PPFIA2: variants seen among roughly 807,000 people sequenced by gnomAD.
PPFIA2 encodes liprin-alpha-2.
PPFIA2 carries 46 observed loss-of-function variants against 175.5 expected under a neutral mutation model. The ratio of observed to expected loss-of-function variants is 0.26; its 90% CI spans 0.21 to 0.34. The LOEUF (loss-of-function observed/expected upper bound fraction) is 0.34. PPFIA2 is among the 10% of genes least tolerant of loss of function. The probability of loss-of-function intolerance (pLI) is 1.00; values close to 1 mark genes in which losing one functional copy is unlikely to be tolerated. For missense variants in PPFIA2, 1,179 were observed against 1,506.1 expected (o/e 0.78, Z 3.60); for synonymous variants, 568 against 511.4 (o/e 1.11, Z -1.49).
rs1323643391 is a variant in PPFIA2 at position 81,598,074 on chromosome 12, T to G, written c.303+78717A>C. 10 of 1,534,070 alleles carry G rather than the reference T, an allele frequency of 6.5e-6. No homozygotes were observed. In the Admixed American group the frequency reaches 1.8e-4, roughly 27 times the overall value. On this transcript the variant is annotated intron_variant, in intron 4 of 32. Transcript: ENST00000549396. ...AATATAATCCACAAGGAGCTACAGATGCAGAGCAGAGAGCTTAGCGTACAG... is the reference window on the plus strand; with the variant it reads ...AATATAATCCACAAGGAGCTACAGAGGCAGAGCAGAGAGCTTAGCGTACAG...
chr12:81,384,017 A>G lies in PPFIA2; in HGVS notation c.984+6T>C. The G allele has an allele frequency of 6.3e-7, 1 of 1,598,240 alleles. No homozygotes were observed. Among genetic ancestry groups the G allele is most frequent in the South Asian group, 1.1e-5 (1 of 90,498 alleles). ...TCAAAGACTGAAAGTGGCATGAATC[A>G]CTTACCTCCCTAATGTCCCTTTGAT... is the stretch of plus-strand genomic sequence containing the variant. On this transcript the variant is annotated splice_donor_region_variant and intron_variant, in intron 9 of 32. Transcript: ENST00000549396.
Position 81,722,847 on chromosome 12 carries a change from G to A in PPFIA2, c.249+31126C>T, listed in dbSNP as rs142415567. Among the ~76,000 whole-genome samples, 951 of 151,030 alleles carry A rather than the reference G, an allele frequency of 6.3e-3. 13 individuals are homozygous for A. The highest frequency in any genetic ancestry group is 0.022 in the African/African-American group (909 of 41,352). On this transcript the variant is annotated intron_variant, in intron 3 of 32. Transcript: ENST00000549396. ...GTTCAAGGGATGTTTATGTAAGCAC[G>A]CTGTGCTACCTTCATACAATATGAT... is the stretch of plus-strand genomic sequence containing the variant.
intron 23 of PPFIA2, among the ~76,000 whole-genome samples, chr12:81,298,625 G>GA (rs1195491689): frequency 1.3e-5 from 2 of 152,212 alleles, no homozygotes; most frequent in African/African-American, 2.4e-5. Context: ...TAAGTGACAT[G>GA]AAACAGCCCT....
intron 7 of PPFIA2, among the ~76,000 whole-genome samples, chr12:81,417,648 C>T (rs571468377): frequency 6.6e-6 from 1 of 151,762 alleles, no homozygotes; most frequent in East Asian, 1.9e-4. Context: ...TAAAGTAATC[C>T]ATTTACTTCA....
intron 3 of PPFIA2, among the ~76,000 whole-genome samples, chr12:81,725,746 T>G (rs1405683908): frequency 6.6e-6 from 1 of 150,722 alleles, no homozygotes; most frequent in African/African-American, 2.4e-5. Flanking sequence ...CAGACAACCC[T>G]TTGAATAATC....
rs1050949529 is a variant in PPFIA2, at chr12:81,453,223, C to A, written c.405+4542G>T. On this transcript the variant is annotated intron_variant, in intron 5 of 32. Transcript: ENST00000549396. Reference sequence around the variant, plus strand: ...ATGTGATCTCATTGTTCAATTCCCACCTATGAGTGAGAATTCAAAGTCACA... The same window carrying A: ...ATGTGATCTCATTGTTCAATTCCCAACTATGAGTGAGAATTCAAAGTCACA... 2.3e-4 allele frequency among the ~76,000 whole-genome samples: 34 copies of A among 146,576 alleles called. 1 individual carries two copies. The East Asian group carries it at 6.4e-3, about 28-fold the overall frequency.
intron 4 of PPFIA2, among the ~76,000 whole-genome samples, chr12:81,626,381 T>C (rs2062709777): frequency 1.3e-5 from 2 of 152,074 alleles, no homozygotes; most frequent in South Asian, 4.1e-4. Context: ...CTACATTATA[T>C]GATCTGAGGC....
intron 4 of PPFIA2, among the ~76,000 whole-genome samples, chr12:81,532,872 CT>C (rs2064796243): frequency 6.6e-6 from 1 of 151,740 alleles, no homozygotes; most frequent in South Asian, 2.1e-4. Flanking sequence ...TGCATTTCCC[CT>C]CTCAACATAT....
intron 7 of PPFIA2, among the ~76,000 whole-genome samples, chr12:81,432,008 C>A (rs1414737520): frequency 2.0e-5 from 3 of 152,142 alleles, no homozygotes; most frequent in Non-Finnish European, 4.4e-5. Flanking sequence ...ACAATGAATT[C>A]CTCCCTTTGG....
chr12:81,537,903 C>A (rs1032563587), intron 4 of PPFIA2, among the ~76,000 whole-genome samples: 1 of 151,832 alleles, frequency 6.6e-6, no homozygotes, highest in African/African-American at 2.4e-5. Context: ...AGTGCCTTCC[C>A]CGCAATCTTT....
chr12:81,354,227 G>T (rs2060505114), intron 16 of PPFIA2, among the ~76,000 whole-genome samples: 1 of 152,122 alleles, frequency 6.6e-6, no homozygotes, highest in Non-Finnish European at 1.5e-5. Context: ...TTTCTTTCAT[G>T]AAAGATTTCT....
chr12:81,697,651 C>G (rs1838226343), intron 3 of PPFIA2, among the ~76,000 whole-genome samples: 1 of 152,066 alleles, frequency 6.6e-6, no homozygotes, highest in South Asian at 2.1e-4. Flanking sequence ...AACTGAAAAT[C>G]AATCAGTAGA....
chr12:81,649,142 G>A (rs2066628321), intron 4 of PPFIA2, among the ~76,000 whole-genome samples: 1 of 151,942 alleles, frequency 6.6e-6, no homozygotes, highest in Non-Finnish European at 1.5e-5. Flanking sequence ...TCTTTGAAAG[G>A]CACTGTTAGA....
chr12:81,609,594 C>A (rs762995552), intron 4 of PPFIA2, among the ~76,000 whole-genome samples: 1 of 152,030 alleles, frequency 6.6e-6, no homozygotes, highest in Non-Finnish European at 1.5e-5. Context: ...GAAATAGGGA[C>A]GCTTTCTCTT....
At chr12:81,684,428 C>T (rs919679314) in intron 3 of PPFIA2, among the ~76,000 whole-genome samples, 11 of 152,066 alleles carry the variant, frequency 7.2e-5, no homozygotes, top group African/African-American at 2.7e-4. Context: ...GAATACCTAT[C>T]ATCAGCCTAT....
At chr12:81,742,127 T>C (rs886587192) in intron 3 of PPFIA2, among the ~76,000 whole-genome samples, 9 of 152,178 alleles carry the variant, frequency 5.9e-5, no homozygotes, top group African/African-American at 2.2e-4. Context: ...AACAGTAAGA[T>C]ATGTTATCAG....
At chr12:81,547,872 AC>A in intron 4 of PPFIA2, among the ~76,000 whole-genome samples, 1 of 152,342 alleles carries the variant, frequency 6.6e-6, no homozygotes, top group South Asian at 2.1e-4. Flanking sequence ...AACTATCCTT[AC>A]TTAAAAATAA....
rs190138049 is a variant in PPFIA2 at position 81,624,713 on chromosome 12, G to A, written c.303+52078C>T. Among the ~76,000 whole-genome samples the A allele has an allele frequency of 8.5e-4, 127 of 150,162 alleles. 1 individual carries two copies. In the East Asian group the frequency reaches 0.02, roughly 23 times the overall value. Reference sequence around the variant, plus strand: ...GGAGCTGGAAGCCATTATTCTAAGTGAAGTAACACAAGAGTGGAAAACCAA... The same window carrying A: ...GGAGCTGGAAGCCATTATTCTAAGTAAAGTAACACAAGAGTGGAAAACCAA... On this transcript the variant is annotated intron_variant, in intron 4 of 32. Transcript: ENST00000549396.
intron 22 of PPFIA2, among the ~76,000 whole-genome samples, chr12:81,306,951 A>G (rs1190580690): frequency 6.6e-6 from 1 of 152,122 alleles, no homozygotes; most frequent in Non-Finnish European, 1.5e-5. Context: ...TCCTGGTTTA[A>G]TCTTGATTTA....
Sources: allele counts gnomAD v4.1 joint callset (sites outside exome capture counted in the v4.1 genomes callset), GRCh38; gene constraint gnomAD v4.1.1; transcripts MANE v1.5; gene names NCBI Gene and HGNC (gene_info 2026-07-23, HGNC 2026-07-21).